The following IL19 variants were observed in gnomAD, a reference collection of about 807,000 sequenced individuals.
IL19 encodes the protein interleukin 19, also known as interleukin-19.
In IL19, 15 loss-of-function variants were observed where a neutral mutation model predicts 19.5. The observed-to-expected ratio is 0.77, with a 90% CI of 0.52 to 1.19. The LOEUF (loss-of-function observed/expected upper bound fraction) is 1.19, where lower values mean the gene tolerates loss of function less well. IL19 is among the 50% of genes most tolerant of loss of function. The pLI, the probability that IL19 is intolerant of heterozygous loss-of-function variation, is 0.00. For synonymous variants in IL19, 78 were observed against 78.3 expected (o/e 1.00, Z 0.02); for missense variants, 199 against 213.1 (o/e 0.93, Z 0.41).
intron 2 of IL19, among the ~76,000 whole-genome samples, chr1:206,818,621 A>T (rs1354574405): frequency 6.6e-6 from 1 of 152,184 alleles, no homozygotes; most frequent in Non-Finnish European, 1.5e-5. Context: ...GTATGTTCAC[A>T]GTTTAATTGA....
At chr1:206,837,080 G>T in intron 4 of IL19, 57 bp downstream of exon 4, 2 of 1,389,560 alleles carry the variant, frequency 1.4e-6, no homozygotes, top group South Asian at 1.2e-5. Context: ...AAATGGCTCT[G>T]GGCTGAGAAA....
chr1:206,775,405 T>C (rs1263946087), intron 1 of IL19, among the ~76,000 whole-genome samples: 1 of 152,172 alleles, frequency 6.6e-6, no homozygotes, highest in Non-Finnish European at 1.5e-5. Flanking sequence ...TCTCAAGCCA[T>C]TTGCTGAAGA....
In IL19 at chr1:206,836,980, A is replaced by G; in HGVS notation, c.167A>G (p.Asn56Ser). The change falls in exon 4 of 7, where the codon AAT becomes AGT. Residue 56 changes from asparagine (N) to serine (S), a missense_variant. Asn to Ser is a conservative substitution (Grantham distance 46, BLOSUM62 1). Coordinates refer to ENST00000659997, the MANE Select transcript of IL19 (RefSeq NM_153758.5). ...CAGCAAGCTAAGGACACCTTCCCAA[A>G]TGTCACTATCCTGTCCACATTGGAG... ...RAIQAKDTFPNVTILSTLETL... is the reference protein window; with the variant it reads ...RAIQAKDTFPSVTILSTLETL... 2 of 1,613,910 alleles carry G rather than the reference A, an allele frequency of 1.2e-6. No individual in the cohort carries two copies. Among genetic ancestry groups the G allele is most frequent in the Non-Finnish European group, 1.7e-6 (2 of 1,179,782 alleles).
chr1:206,823,945 A>T (rs1330403964), intron 2 of IL19, among the ~76,000 whole-genome samples: 1 of 152,152 alleles, frequency 6.6e-6, no homozygotes, highest in Non-Finnish European at 1.5e-5. Flanking sequence ...CTTAAGAAGG[A>T]TGTGACTTGG....
chr1:206,776,581 G>T (rs1675001402), intron 1 of IL19, among the ~76,000 whole-genome samples: 1 of 152,126 alleles, frequency 6.6e-6, no homozygotes, highest in Non-Finnish European at 1.5e-5. Context: ...TTGAGAGCGG[G>T]GACTGAGAGA....
chr1:206,834,068 A>G, intron 2 of IL19: 3 of 985,446 alleles, frequency 3.0e-6, no homozygotes, highest in Non-Finnish European at 3.6e-6. Context: ...CCTAAGTTGG[A>G]TTTTTCTGCA....
intron 2 of IL19, 51 bp from the exon 3 acceptor site, chr1:206,836,610 T>C (rs1676803095): frequency 6.5e-7 from 1 of 1,533,908 alleles, no homozygotes; most frequent in South Asian, 1.2e-5. Flanking sequence ...GTCTTCTTTT[T>C]CATTGCCCTC....
At chr1:206,808,061 C>A (rs943135504) in intron 2 of IL19, among the ~76,000 whole-genome samples, 1 of 152,166 alleles carries the variant, frequency 6.6e-6, no homozygotes, top group Non-Finnish European at 1.5e-5. Context: ...CCAGGTGTGG[C>A]AGCTCATGCC....
At chr1:206,786,903 C>A (rs561669898) in intron 1 of IL19, among the ~76,000 whole-genome samples, 1 of 152,272 alleles carries the variant, frequency 6.6e-6, no homozygotes, top group South Asian at 2.1e-4. Context: ...GAGAACAGAA[C>A]GCATTCTTAA....
chr1:206,836,523 A>C (rs1676798587), intron 2 of IL19, 138 bp from the exon 3 acceptor site: 2 of 766,216 alleles, frequency 2.6e-6, no homozygotes, highest in Non-Finnish European at 2.1e-6. Flanking sequence ...TAACTCCTCA[A>C]GGCTGAAGTG....
At chr1:206,804,563 GC>G (rs1675795979) in intron 2 of IL19, among the ~76,000 whole-genome samples, 1 of 152,186 alleles carries the variant, frequency 6.6e-6, no homozygotes, top group Non-Finnish European at 1.5e-5. Context: ...TAAGCAACAA[GC>G]TTTTATTGGT....
intron 2 of IL19, among the ~76,000 whole-genome samples, chr1:206,807,198 T>G (rs991256510): frequency 6.6e-6 from 1 of 152,148 alleles, no homozygotes; most frequent in African/African-American, 2.4e-5. Flanking sequence ...CATAATTGAA[T>G]TACCTCCCAC....
At chr1:206,811,349 C>T (rs570299647) in intron 2 of IL19, among the ~76,000 whole-genome samples, 25 of 148,858 alleles carry the variant, frequency 1.7e-4, no homozygotes, top group South Asian at 6.5e-4. Context: ...GAGGCTGAGG[C>T]GGGAGAATGG....
chr1:206,802,525 G>A (rs1173952938), intron 2 of IL19, among the ~76,000 whole-genome samples: 4 of 152,088 alleles, frequency 2.6e-5, no homozygotes, highest in Non-Finnish European at 2.9e-5. Context: ...AGATCACGAA[G>A]CCAATAAGTG....
At chr1:206,779,959 C>T (rs1572544357) in intron 1 of IL19, among the ~76,000 whole-genome samples, 2 of 151,672 alleles carry the variant, frequency 1.3e-5, no homozygotes, top group Non-Finnish European at 2.9e-5. Flanking sequence ...AGTGGCTGGG[C>T]TTACATTGCA....
At chr1:206,777,385 C>A (rs1270605743) in intron 1 of IL19, among the ~76,000 whole-genome samples, 1 of 140,476 alleles carries the variant, frequency 7.1e-6, no homozygotes, top group Non-Finnish European at 1.5e-5. Context: ...CCAGCCTGGG[C>A]GACAGAGCGA....
At chr1:206,798,744 G>T (rs373280821) in intron 1 of IL19, 117 bp from the exon 2 acceptor site, 15 of 591,830 alleles carry the variant, frequency 2.5e-5, no homozygotes, top group South Asian at 2.1e-4. Context: ...GAGTAGCTGG[G>T]TTGAATTTTT....
At chr1:206,820,453 A>C (rs1388406009) in intron 2 of IL19, among the ~76,000 whole-genome samples, 1 of 152,212 alleles carries the variant, frequency 6.6e-6, no homozygotes, top group African/African-American at 2.4e-5. Flanking sequence ...TCCAGATGTT[A>C]GCCAAACAAT....
At position 206,798,948 on chromosome 1, in the gene IL19, AC is replaced by A; in HGVS notation, c.-60del. On this transcript the variant is annotated 5_prime_UTR_variant, in exon 2 of 7. Coordinates refer to ENST00000659997, the MANE Select transcript of IL19 (RefSeq NM_153758.5). Reference sequence around the variant, plus strand: ...GATCTGCGTGTTCCTTACCACTCACACATGTGCACACACATATCCATGTGTG... The same window carrying A: ...GATCTGCGTGTTCCTTACCACTCACAATGTGCACACACATATCCATGTGTG... The A allele has an allele frequency of 6.2e-7, 1 of 1,614,012 alleles. No homozygotes were observed. Among genetic ancestry groups the A allele is most frequent in the Non-Finnish European group, 8.5e-7 (1 of 1,179,984 alleles).
Sources: gnomAD v4.1 joint callset for allele counts (sites outside exome capture counted in the v4.1 genomes callset) on GRCh38, gnomAD v4.1.1 for gene constraint, MANE v1.5 for transcripts, NCBI Gene and HGNC (gene_info 2026-07-23, HGNC 2026-07-21) for gene names.